The following STPG2 variants were observed in gnomAD, a reference collection of about 807,000 sequenced individuals.
The protein encoded by STPG2 is sperm-tail PG-rich repeat-containing protein 2.
STPG2 carries 56 observed loss-of-function variants against 54.2 expected under a neutral mutation model. The ratio of observed to expected loss-of-function variants is 1.03; its 90% CI spans 0.83 to 1.29. The LOEUF (loss-of-function observed/expected upper bound fraction) is 1.29. Among genes scored for constraint, STPG2 ranks in the 50% most tolerant of loss-of-function variants. The probability of loss-of-function intolerance (pLI) is 0.00; values close to 1 mark genes in which losing one functional copy is unlikely to be tolerated. For missense variants in STPG2, 596 were observed against 544.9 expected (o/e 1.09, Z -0.93); for synonymous variants, 200 against 181.8 (o/e 1.10, Z -0.81).
chr4:98,005,399 G>T (rs1248190326), intron 5 of STPG2, among the ~76,000 whole-genome samples: 1 of 152,116 alleles, frequency 6.6e-6, no homozygotes, highest in Non-Finnish European at 1.5e-5. Flanking sequence ...AGAACAAACA[G>T]CTCTGAATAG....
chr4:98,100,973 G>A lies in STPG2; in HGVS notation c.612+4980C>T, dbSNP rs570381261. 1.2e-4 allele frequency among the ~76,000 whole-genome samples: 18 copies of A among 152,128 alleles called. No individual in the cohort carries two copies. In the East Asian group the frequency reaches 1.7e-3, roughly 15 times the overall value. On this transcript the variant is annotated intron_variant, in intron 5 of 10. Transcript: ENST00000295268. ...TTACAGTCGTGAGCCACTGCACCCCGCCTCCTTCAGCTGCTCTTAATGTGC... is the reference window on the plus strand; with the variant it reads ...TTACAGTCGTGAGCCACTGCACCCCACCTCCTTCAGCTGCTCTTAATGTGC...
rs1263056048 is a variant in STPG2 at position 98,019,849 on chromosome 4, A to AT, written c.613-38532dup. ...TTGTTGGTGTATAAGAATGTTTGTG[A>AT]TTTTTTTACATTGATTTTGTATCCT... On this transcript the variant is annotated intron_variant, in intron 5 of 10. Coordinates refer to ENST00000295268, the MANE Select transcript of STPG2 (RefSeq NM_174952.3). Among the ~76,000 whole-genome samples, 3 of 117,668 alleles carry AT rather than the reference A, an allele frequency of 2.5e-5. 1 individual carries two copies. Among genetic ancestry groups the AT allele is most frequent in the Non-Finnish European group, 5.5e-5 (3 of 54,344 alleles). The allele number at this position is 117,668 out of a possible 152,430, so 77.2% of individuals were successfully genotyped here.
intron 10 of STPG2, among the ~76,000 whole-genome samples, chr4:97,593,439 AC>A (rs1252432358): frequency 1.3e-5 from 2 of 152,142 alleles, no homozygotes; most frequent in African/African-American, 4.8e-5. Flanking sequence ...CGCACACCCA[AC>A]CGCAATTCTT....
At chr4:98,109,987 C>T (rs1468986335) in intron 3 of STPG2, among the ~76,000 whole-genome samples, 1 of 152,106 alleles carries the variant, frequency 6.6e-6, no homozygotes, top group Non-Finnish European at 1.5e-5. Context: ...AAGCATAACA[C>T]AACAGTAGCT....
chr4:97,705,752 T>C (rs1723921278), intron 10 of STPG2, among the ~76,000 whole-genome samples: 1 of 151,930 alleles, frequency 6.6e-6, no homozygotes, highest in Non-Finnish European at 1.5e-5. Context: ...AAAATGTTTA[T>C]ATATAGTTTC....
In STPG2 at chr4:97,443,273, C is replaced by T. The variant is rs137899151; in HGVS notation, c.463-255440G>A. ...AGGCGGATAAAAACCTAAGCTGAGA[C>T]TTTGGCCTTATCGGGATCTCTAAAG... is the stretch of plus-strand genomic sequence containing the variant. On this transcript the variant is annotated intron_variant, in intron 4 of 4. Coordinates refer to the STPG2 transcript ENST00000522676. Among the ~76,000 whole-genome samples, 3 of 152,210 alleles carry T rather than the reference C, an allele frequency of 2.0e-5. No individual in the cohort carries two copies. In the East Asian group the frequency reaches 5.8e-4, roughly 29 times the overall value.
intron 7 of STPG2, among the ~76,000 whole-genome samples, chr4:97,965,461 C>A (rs886273567): frequency 7.9e-5 from 12 of 152,132 alleles, no homozygotes; most frequent in African/African-American, 2.7e-4. Context: ...CTTAAATGTC[C>A]CTGTCTGACA....
chr4:97,479,737 A>G (rs1324165769), intron 4 of STPG2, among the ~76,000 whole-genome samples: 1 of 151,876 alleles, frequency 6.6e-6, no homozygotes, highest in Non-Finnish European at 1.5e-5. Flanking sequence ...CAGAATAACA[A>G]AGACAAAATT....
chr4:97,608,075 G>C (rs933821903), intron 10 of STPG2, among the ~76,000 whole-genome samples: 1 of 151,984 alleles, frequency 6.6e-6, no homozygotes, highest in Non-Finnish European at 1.5e-5. Context: ...CAAGTTAAAG[G>C]AAAAGAGATA....
chr4:98,045,426 C>A (rs1240903711), intron 5 of STPG2, among the ~76,000 whole-genome samples: 1 of 152,098 alleles, frequency 6.6e-6, no homozygotes, highest in Non-Finnish European at 1.5e-5. Flanking sequence ...TTCCTGAGGC[C>A]TGTGGAAATA....
At chr4:97,802,181 A>G (rs747511217) in intron 9 of STPG2, among the ~76,000 whole-genome samples, 7 of 152,164 alleles carry the variant, frequency 4.6e-5, no homozygotes, top group Non-Finnish European at 7.4e-5. Context: ...ACATCTCTCC[A>G]TAAGAGCACA....
intron 9 of STPG2, among the ~76,000 whole-genome samples, chr4:97,758,541 A>G (rs1314485647): frequency 6.6e-6 from 1 of 152,164 alleles, no homozygotes; most frequent in African/African-American, 2.4e-5. Flanking sequence ...CAAGCACCGC[A>G]TGTTCTCACT....
chr4:97,775,541 T>C (rs1369355447), intron 9 of STPG2, among the ~76,000 whole-genome samples: 2 of 152,210 alleles, frequency 1.3e-5, no homozygotes, highest in East Asian at 3.8e-4. Context: ...ACAAGAGAGA[T>C]ACAATCTCTG....
chr4:97,500,105 A>G (rs1298348712), intron 4 of STPG2, among the ~76,000 whole-genome samples: 1 of 152,022 alleles, frequency 6.6e-6, no homozygotes, highest in Non-Finnish European at 1.5e-5. Context: ...AAGGGGACCA[A>G]TTAGGAAGAT....
At chr4:97,546,817 AAACTGATGAACAGAAAAGCTC>A (rs1318343961) in intron 4 of STPG2, among the ~76,000 whole-genome samples, 2 of 152,226 alleles carry the variant, frequency 1.3e-5, no homozygotes, top group African/African-American at 4.8e-5. Context: ...TACTGAAACT[AAACTGATGAACAGAAAAGCTC>A]TTGTTCTTGA....
chr4:98,004,187 T>C (rs1735503743), intron 5 of STPG2, among the ~76,000 whole-genome samples: 2 of 152,206 alleles, frequency 1.3e-5, no homozygotes, highest in Non-Finnish European at 2.9e-5. Context: ...ACAACCACTA[T>C]TCTACTCTCT....
intron 8 of STPG2, among the ~76,000 whole-genome samples, chr4:97,938,871 G>A (rs570638990): frequency 6.6e-6 from 1 of 152,078 alleles, no homozygotes; most frequent in South Asian, 2.1e-4. Context: ...CTCAGTGGGA[G>A]CCTCTGACCA....
chr4:97,540,025 C>A (rs1290476711), intron 4 of STPG2, among the ~76,000 whole-genome samples: 1 of 151,952 alleles, frequency 6.6e-6, no homozygotes, highest in African/African-American at 2.4e-5. Flanking sequence ...GAGAAAGTGG[C>A]AAAGAACTAA....
chr4:97,765,440 C>T (rs1305604195), intron 9 of STPG2, among the ~76,000 whole-genome samples: 1 of 152,044 alleles, frequency 6.6e-6, no homozygotes, highest in Non-Finnish European at 1.5e-5. Context: ...TATTTTCCCA[C>T]CCCATCAATG....
Sources: allele counts gnomAD v4.1 joint callset (sites outside exome capture counted in the v4.1 genomes callset), GRCh38; gene constraint gnomAD v4.1.1; transcripts MANE v1.5; gene names NCBI Gene and HGNC (gene_info 2026-07-23, HGNC 2026-07-21).